The following SAMD12 variants were observed in gnomAD, a reference collection of about 807,000 sequenced individuals.
The protein encoded by SAMD12 is sterile alpha motif domain-containing protein 12.
SAMD12 carries 9 observed loss-of-function variants against 15.0 expected under a neutral mutation model. The ratio of observed to expected loss-of-function variants is 0.60; its 90% CI spans 0.36 to 1.05. The LOEUF is 1.05. Ranked by LOEUF, SAMD12 falls within the 50% of genes least tolerant of loss-of-function variation. SAMD12 has a pLI of 0.01. For synonymous variants in SAMD12, 86 were observed against 90.1 expected, an observed-to-expected ratio of 0.96 and a Z score of 0.25; for missense variants, 230 against 234.2, an observed-to-expected ratio of 0.98 and a Z score of 0.12.
rs572704035 is a variant in SAMD12 at position 118,562,876 on chromosome 8, G to A, written c.192+17839C>T. ...TAGACCTGTCCACTGGGAGGACCCA[G>A]GAGAGAAGTCAGGCCTGGAGATAAG... On this transcript the variant is annotated intron_variant, in intron 2 of 3. Coordinates refer to ENST00000314727, the MANE Select transcript of SAMD12 (RefSeq NM_207506.3). Among the ~76,000 whole-genome samples, 3 of 152,288 alleles carry A rather than the reference G, an allele frequency of 2.0e-5. No homozygotes were observed. In the South Asian group the frequency reaches 6.2e-4, roughly 32 times the overall value.
chr8:118,170,723 A>C, the SAMD12 span, among the ~76,000 whole-genome samples: 1 of 152,216 alleles, frequency 6.6e-6, no homozygotes, highest in African/African-American at 2.4e-5. Flanking sequence ...AAATGGTAAA[A>C]GTCTTAGAAG....
chr8:118,211,426 A>T (rs1278061629), intron 4 of SAMD12, among the ~76,000 whole-genome samples: 1 of 152,194 alleles, frequency 6.6e-6, no homozygotes, highest in Non-Finnish European at 1.5e-5. Context: ...GCTGGCCCAG[A>T]CAGAGAGAGA....
intron 2 of SAMD12, among the ~76,000 whole-genome samples, chr8:118,518,258 A>C (rs972211161): frequency 6.6e-6 from 1 of 152,216 alleles, no homozygotes; most frequent in Non-Finnish European, 1.5e-5. Flanking sequence ...GTCCCATGTT[A>C]CTTAACAAGT....
exon 5 of SAMD12, chr8:118,197,580 TCA>T: frequency 1.2e-6 from 1 of 851,804 alleles, no homozygotes. Context: ...GGTGCTTTTT[TCA>T]GTTAATCCAG....
rs1156775426 is a variant in SAMD12 at position 118,571,118 on chromosome 8, A to G, written c.192+9597T>C. Among the ~76,000 whole-genome samples, 3 of 152,326 alleles carry G rather than the reference A, an allele frequency of 2.0e-5. No homozygotes were observed. The East Asian group carries it at 5.8e-4, about 29-fold the overall frequency. Reference sequence around the variant, plus strand: ...AAACTGTATTGTATAAATACAATAAATTGGTACTAGGAGTGGACTAATACA... The same window carrying G: ...AAACTGTATTGTATAAATACAATAAGTTGGTACTAGGAGTGGACTAATACA... On this transcript the variant is annotated intron_variant, in intron 2 of 3. Coordinates refer to ENST00000314727, the MANE Select transcript of SAMD12 (RefSeq NM_207506.3).
At chr8:118,379,986 G>C (rs1819591907) in intron 3 of SAMD12, among the ~76,000 whole-genome samples, 2 of 152,090 alleles carry the variant, frequency 1.3e-5, no homozygotes, top group Admixed American at 1.3e-4. Flanking sequence ...AGATAAAATA[G>C]GAAAACCTTA....
At position 118,275,433 on chromosome 8, in the gene SAMD12, C is replaced by T. The variant is rs1385963735; in HGVS notation, c.434-77701G>A. Among the ~76,000 whole-genome samples the T allele has an allele frequency of 3.3e-5, 5 of 152,008 alleles. 1 individual carries two copies. Among genetic ancestry groups the T allele is most frequent in the Admixed American group, 6.5e-5 (1 of 15,268 alleles). ...AGTTTTGGATCCAAGGTTAATACTG[C>T]CCTTGTAAGATAAGTTTGGGGAAAT... On this transcript the variant is annotated intron_variant, in intron 4 of 4. Coordinates refer to the SAMD12 transcript ENST00000409003.
the SAMD12 span, among the ~76,000 whole-genome samples, chr8:118,166,710 G>A: frequency 6.6e-6 from 1 of 152,130 alleles, no homozygotes. Context: ...AATTGATTTG[G>A]TGTTTAAAAA....
chr8:118,321,147 AT>A (rs1563761472), intron 4 of SAMD12, among the ~76,000 whole-genome samples: 1,443 of 6,420 alleles, frequency 0.22, 77 homozygotes, highest in Admixed American at 0.4. Flanking sequence ...GATAATAAAT[AT>A]ATATATATAT....
At chr8:118,261,050 C>T (rs528305102) in intron 4 of SAMD12, among the ~76,000 whole-genome samples, 22 of 152,154 alleles carry the variant, frequency 1.4e-4, no homozygotes, top group Admixed American at 3.3e-4. Context: ...GCTCAACAAA[C>T]GTTTGTTAAA....
chr8:118,304,754 C>A (rs924769144), intron 4 of SAMD12, among the ~76,000 whole-genome samples: 2 of 108,784 alleles, frequency 1.8e-5, no homozygotes, highest in Non-Finnish European at 1.9e-5. Flanking sequence ...AACGAGACTC[C>A]ATCTCATAAA....
At chr8:118,268,350 A>G (rs1813258044) in intron 4 of SAMD12, among the ~76,000 whole-genome samples, 1 of 152,222 alleles carries the variant, frequency 6.6e-6, no homozygotes, top group African/African-American at 2.4e-5. Context: ...TTTAAATGCT[A>G]TCCAAGGCTG....
intron 4 of SAMD12, among the ~76,000 whole-genome samples, chr8:118,210,410 ACAGC>A (rs1473564554): frequency 6.6e-6 from 1 of 152,172 alleles, no homozygotes; most frequent in Non-Finnish European, 1.5e-5. Context: ...AGTCTGCATC[ACAGC>A]CAAGACCTGG....
At chr8:118,286,590 A>C (rs544718999) in intron 4 of SAMD12, among the ~76,000 whole-genome samples, 33 of 152,294 alleles carry the variant, frequency 2.2e-4, no homozygotes, top group Non-Finnish European at 3.5e-4. Flanking sequence ...TGTGTCATAA[A>C]CTGGCAGGGT....
At chr8:118,361,996 T>C (rs1203134368) in intron 4 of SAMD12, among the ~76,000 whole-genome samples, 2 of 152,268 alleles carry the variant, frequency 1.3e-5, no homozygotes, top group African/African-American at 2.4e-5. Flanking sequence ...AAACAAATGA[T>C]TGTCCCTGAC....
At chr8:118,339,856 C>T (rs1273418160) in intron 4 of SAMD12, among the ~76,000 whole-genome samples, 1 of 152,190 alleles carries the variant, frequency 6.6e-6, no homozygotes, top group East Asian at 1.9e-4. Flanking sequence ...GTAGTTTCAT[C>T]TGGGTATGGG....
chr8:118,177,852 G>C, the SAMD12 span, among the ~76,000 whole-genome samples: 1 of 152,226 alleles, frequency 6.6e-6, no homozygotes, highest in Non-Finnish European at 1.5e-5. Flanking sequence ...ACTGAGTTGG[G>C]CAAGTGTGTG....
Position 118,411,880 on chromosome 8 carries a change from C to T in SAMD12, c.322+27952G>A, listed in dbSNP as rs527946237. Among the ~76,000 whole-genome samples, 73 of 152,230 alleles carry T rather than the reference C, an allele frequency of 4.8e-4. 1 individual carries two copies. The South Asian group carries it at 0.015, about 32-fold the overall frequency. On this transcript the variant is annotated intron_variant, in intron 3 of 3. Coordinates refer to ENST00000314727, the MANE Select transcript of SAMD12 (RefSeq NM_207506.3). ...AAAAATGACTCAAATGGTATAACAACAAGTCTACAACAAGAGTTGGTCAAC... is the reference window on the plus strand; with the variant it reads ...AAAAATGACTCAAATGGTATAACAATAAGTCTACAACAAGAGTTGGTCAAC...
intron 2 of SAMD12, among the ~76,000 whole-genome samples, chr8:118,568,128 G>T (rs1307934342): frequency 6.6e-6 from 1 of 152,208 alleles, no homozygotes; most frequent in African/African-American, 2.4e-5. Context: ...CAGAATCAGG[G>T]ATCAGGGGCC....
Sources: gnomAD v4.1 joint callset for allele counts (sites outside exome capture counted in the v4.1 genomes callset) on GRCh38, gnomAD v4.1.1 for gene constraint, MANE v1.5 for transcripts, NCBI Gene and HGNC (gene_info 2026-07-23, HGNC 2026-07-21) for gene names.